Variants in PTPN4 observed in about 807,000 individuals in gnomAD.
The protein encoded by PTPN4 is protein tyrosine phosphatase non-receptor type 4, also known as tyrosine-protein phosphatase non-receptor type 4.
A neutral mutation model predicts 135.5 loss-of-function variants in PTPN4; 49 were observed. The observed-to-expected ratio is 0.36, with a 90% CI of 0.29 to 0.46. The LOEUF is 0.46. Ranked by LOEUF, PTPN4 falls within the 20% of genes least tolerant of loss-of-function variation. PTPN4 has a pLI of 1.00. For synonymous variants in PTPN4, 333 were observed against 369.9 expected (o/e 0.90, Z 1.14); for missense variants, 860 against 1,101.0 (o/e 0.78, Z 3.10).
intron 24 of PTPN4, among the ~76,000 whole-genome samples, chr2:119,963,232 G>C (rs1289969041): frequency 6.6e-6 from 1 of 152,170 alleles, no homozygotes; most frequent in Non-Finnish European, 1.5e-5. Flanking sequence ...ACAGCAGATG[G>C]GGTGTAGATT....
At chr2:119,829,462 C>A (rs1012243895) in intron 2 of PTPN4, among the ~76,000 whole-genome samples, 21 of 152,298 alleles carry the variant, frequency 1.4e-4, no homozygotes, top group African/African-American at 4.1e-4. Context: ...AAACTCTAGC[C>A]ATGTGGCAGT....
chr2:119,850,305 A>G (rs775334771), intron 2 of PTPN4, among the ~76,000 whole-genome samples: 1 of 151,928 alleles, frequency 6.6e-6, no homozygotes, highest in Non-Finnish European at 1.5e-5. Context: ...AGTGTCCTTT[A>G]CTTGATTTGC....
intron 1 of PTPN4, among the ~76,000 whole-genome samples, chr2:119,802,316 C>G (rs1188573804): frequency 1.3e-5 from 2 of 152,170 alleles, no homozygotes; most frequent in South Asian, 4.1e-4. Context: ...AGCATTCAGG[C>G]TTTAACCATT....
chr2:119,777,905 C>T (rs1690865864), intron 1 of PTPN4, among the ~76,000 whole-genome samples: 1 of 152,072 alleles, frequency 6.6e-6, no homozygotes, highest in Admixed American at 6.6e-5. Context: ...ATGCTCTGGT[C>T]TCAGCCTCTC....
intron 1 of PTPN4, among the ~76,000 whole-genome samples, chr2:119,772,725 G>A (rs13395536): frequency 0.27 from 41,294 of 151,964 alleles, 5,690 homozygotes; most frequent in South Asian, 0.34. Context: ...TTTTGGTAGA[G>A]ACGGGGTTTC....
intron 1 of PTPN4, among the ~76,000 whole-genome samples, chr2:119,776,176 T>G (rs1298738775): frequency 1.3e-5 from 2 of 152,156 alleles, no homozygotes; most frequent in East Asian, 1.9e-4. Context: ...AAAGATTTAT[T>G]TATTTATTAA....
intron 3 of PTPN4, among the ~76,000 whole-genome samples, chr2:119,869,558 T>C (rs1677879488): frequency 6.6e-6 from 1 of 152,162 alleles, no homozygotes; most frequent in Non-Finnish European, 1.5e-5. Flanking sequence ...CCTCCTCAAT[T>C]TTCTGTTTTT....
At chr2:119,973,652 C>CTTTTTTTTTTTTTT (rs1553481271) in intron 26 of PTPN4, among the ~76,000 whole-genome samples, 8 of 18,086 alleles carry the variant, frequency 4.4e-4, no homozygotes, top group African/African-American at 7.4e-4. Flanking sequence ...TCCTTCATTT[C>CTTTTTTTTTTTTTT]TTGTTTTTTT....
chr2:119,823,335 C>T (rs938587412), intron 2 of PTPN4, among the ~76,000 whole-genome samples: 5 of 151,802 alleles, frequency 3.3e-5, no homozygotes, highest in Admixed American at 3.3e-4. Flanking sequence ...CCCGGATTCA[C>T]GCCATTCTCC....
chr2:119,844,389 G>A (rs1400358500), intron 2 of PTPN4, among the ~76,000 whole-genome samples: 63 of 142,336 alleles, frequency 4.4e-4, no homozygotes, highest in African/African-American at 1.5e-3. Flanking sequence ...GGTGGCTGCC[G>A]GGCGGAGACA....
intron 3 of PTPN4, among the ~76,000 whole-genome samples, chr2:119,875,998 T>C (rs1022672240): frequency 6.6e-6 from 1 of 152,196 alleles, no homozygotes; most frequent in African/African-American, 2.4e-5. Flanking sequence ...GGCTTTAAGC[T>C]GAGACTTACG....
At chr2:119,926,541 C>A (rs1392748717) in intron 12 of PTPN4, 57 bp from the exon 13 acceptor site, 2 of 1,224,316 alleles carry the variant, frequency 1.6e-6, no homozygotes, top group Non-Finnish European at 2.3e-6. Flanking sequence ...TATGTGTTGT[C>A]ATTTTATCTT....
At chr2:119,892,144 A>G (rs1678249630) in intron 9 of PTPN4, among the ~76,000 whole-genome samples, 1 of 152,214 alleles carries the variant, frequency 6.6e-6, no homozygotes, top group Non-Finnish European at 1.5e-5. Flanking sequence ...CAGAGTATGT[A>G]CTATTTGATT....
At chr2:119,965,728 G>T (rs541415970) in intron 25 of PTPN4, 83 bp downstream of exon 25, 3 of 1,455,416 alleles carry the variant, frequency 2.1e-6, no homozygotes. Context: ...TGTCCTTATG[G>T]TGTTATTGTC....
At chr2:119,907,594 G>A (rs1678508186) in intron 10 of PTPN4, among the ~76,000 whole-genome samples, 1 of 128,896 alleles carries the variant, frequency 7.8e-6, no homozygotes, top group Non-Finnish European at 1.7e-5. Context: ...GGCAGAGTGA[G>A]ACCCTTTCTC....
intron 1 of PTPN4, among the ~76,000 whole-genome samples, chr2:119,761,628 C>T (rs1186388815): frequency 1.3e-5 from 2 of 152,140 alleles, no homozygotes. Flanking sequence ...ATTTTTATGT[C>T]TCTTCGCATT....
chr2:119,956,953 C>G lies in PTPN4; in HGVS notation c.2071+19C>G. The stretch of plus-strand genomic sequence containing the variant: ...TCGCCTTGTAAGTATCTTATTGTCT[C>G]TGTTAAATTTAATCTTTTAAACATA... On this transcript the variant is annotated intron_variant, in intron 21 of 26. Transcript: ENST00000263708. 2.5e-6 allele frequency: 4 copies of G among 1,602,922 alleles called. No homozygotes were observed. Among genetic ancestry groups the G allele is most frequent in the Non-Finnish European group, 3.4e-6 (4 of 1,177,168 alleles).
At chr2:119,849,863 T>G (rs1349905493) in intron 2 of PTPN4, among the ~76,000 whole-genome samples, 1 of 152,252 alleles carries the variant, frequency 6.6e-6, no homozygotes, top group African/African-American at 2.4e-5. Flanking sequence ...GCTGTTAAGC[T>G]TCAATAATTA....
At chr2:119,915,061 T>G in intron 10 of PTPN4, 118 bp from the exon 11 acceptor site, 1 of 817,870 alleles carries the variant, frequency 1.2e-6, no homozygotes, top group Non-Finnish European at 1.8e-6. Flanking sequence ...ACTATGTGTA[T>G]GTATATATGA....
Sources: gnomAD v4.1 joint callset for allele counts (sites outside exome capture counted in the v4.1 genomes callset) on GRCh38, gnomAD v4.1.1 for gene constraint, MANE v1.5 for transcripts, NCBI Gene and HGNC (gene_info 2026-07-23, HGNC 2026-07-21) for gene names.